Variants in NCKAP5 observed in about 807,000 individuals in gnomAD.
The protein encoded by NCKAP5 is NCK associated protein 5, also known as nck-associated protein 5.
NCKAP5 carries 92 observed loss-of-function variants against 167.0 expected under a neutral mutation model. The observed-to-expected ratio is 0.55, with a 90% CI of 0.47 to 0.66. The LOEUF (loss-of-function observed/expected upper bound fraction) is 0.66. Ranked by LOEUF, NCKAP5 falls within the 30% of genes least tolerant of loss-of-function variation. NCKAP5 has a pLI of 0.00. For missense variants in NCKAP5, 2,378 were observed against 2,315.0 expected (o/e 1.03, Z -0.56); for synonymous variants, 891 against 877.4 (o/e 1.02, Z -0.27).
At chr2:133,412,867 A>T (rs1688859154) in intron 3 of NCKAP5, among the ~76,000 whole-genome samples, 2 of 152,266 alleles carry the variant, frequency 1.3e-5, no homozygotes, top group South Asian at 4.1e-4. Flanking sequence ...GAAACATTTG[A>T]GATTTCAAAA....
intron 15 of NCKAP5, among the ~76,000 whole-genome samples, chr2:132,774,551 C>T (rs1263521331): frequency 6.6e-6 from 1 of 152,020 alleles, no homozygotes; most frequent in Non-Finnish European, 1.5e-5. Flanking sequence ...TGGGCAGCAT[C>T]AGATGGAACT....
chr2:133,647,428 A>G, the NCKAP5 span, among the ~76,000 whole-genome samples: 12 of 103,064 alleles, frequency 1.2e-4, no homozygotes, highest in Non-Finnish European at 1.7e-4. Context: ...AGAGAAAGAA[A>G]GGAAGAAAGA....
chr2:133,592,927 TC>T, the NCKAP5 span, among the ~76,000 whole-genome samples: 133 of 152,308 alleles, frequency 8.7e-4, 1 homozygote, highest in African/African-American at 3.1e-3. Context: ...CTTGTTCTCA[TC>T]CTCAGCCCAG....
upstream of NCKAP5, among the ~76,000 whole-genome samples, chr2:133,571,782 C>T (rs1022796435): frequency 1.3e-5 from 2 of 152,086 alleles, no homozygotes; most frequent in African/African-American, 4.8e-5. Context: ...CAGTTTCTAC[C>T]TCCAGCGTCT....
chr2:133,532,195 A>C (rs1439703892), intron 2 of NCKAP5, among the ~76,000 whole-genome samples: 3 of 152,240 alleles, frequency 2.0e-5, no homozygotes, highest in African/African-American at 7.2e-5. Context: ...TAAATACTTT[A>C]GGAATCCTAT....
rs1252619487 is a variant in NCKAP5, at chr2:132,845,339, GT to G, written c.807+15152del. Among the ~76,000 whole-genome samples, 8 of 152,058 alleles carry G rather than the reference GT, an allele frequency of 5.3e-5. No individual in the cohort carries two copies. The South Asian group carries it at 1.7e-3, about 32-fold the overall frequency. On this transcript the variant is annotated intron_variant, in intron 11 of 19. Transcript: ENST00000409261. ...CAGTCCTTTCCTGTATGACTTCTTGGTTTTATGCCTTGCTTGAGAAAATATC... is the reference window on the plus strand; with the variant it reads ...CAGTCCTTTCCTGTATGACTTCTTGGTTTATGCCTTGCTTGAGAAAATATC...
At chr2:133,384,954 G>A (rs530376194) in intron 3 of NCKAP5, among the ~76,000 whole-genome samples, 47 of 152,262 alleles carry the variant, frequency 3.1e-4, no homozygotes, top group Non-Finnish European at 5.1e-4. Context: ...GGGCTAAGTC[G>A]ATGGGGTTTT....
At chr2:133,582,985 C>T in the NCKAP5 span, among the ~76,000 whole-genome samples, 2 of 152,146 alleles carry the variant, frequency 1.3e-5, no homozygotes, top group Non-Finnish European at 2.9e-5. Flanking sequence ...GTCATGTTGA[C>T]CCAGGCATCT....
intron 6 of NCKAP5, among the ~76,000 whole-genome samples, chr2:133,064,999 C>T (rs892244266): frequency 6.6e-6 from 1 of 152,132 alleles, no homozygotes; most frequent in African/African-American, 2.4e-5. Context: ...AATACTTTTT[C>T]CAAGCAGCAA....
chr2:133,628,913 C>T, the NCKAP5 span, among the ~76,000 whole-genome samples: 1 of 152,186 alleles, frequency 6.6e-6, no homozygotes, highest in Non-Finnish European at 1.5e-5. Flanking sequence ...GTAAATGGTG[C>T]TGGGAGAACT....
At chr2:133,654,410 A>AAATC in the NCKAP5 span, among the ~76,000 whole-genome samples, 15 of 150,238 alleles carry the variant, frequency 1.0e-4, no homozygotes, top group South Asian at 4.2e-4. Flanking sequence ...ATAAATAAAT[A>AAATC]AATCCCTCAA....
At chr2:132,936,810 T>C (rs1253313212) in intron 8 of NCKAP5, among the ~76,000 whole-genome samples, 1 of 152,216 alleles carries the variant, frequency 6.6e-6, no homozygotes, top group Non-Finnish European at 1.5e-5. Flanking sequence ...CTAAAATGCA[T>C]ATGTATCAAC....
the NCKAP5 span, among the ~76,000 whole-genome samples, chr2:133,580,698 A>T: frequency 6.6e-6 from 1 of 152,314 alleles, no homozygotes; most frequent in East Asian, 1.9e-4. Flanking sequence ...ACCTCTGAGT[A>T]CCCTAGAAGA....
chr2:132,956,575 T>C (rs2076352064), intron 8 of NCKAP5, among the ~76,000 whole-genome samples: 1 of 152,186 alleles, frequency 6.6e-6, no homozygotes, highest in Admixed American at 6.6e-5. Flanking sequence ...ACACGGCCAT[T>C]GGCACACGAA....
chr2:132,960,765 A>T (rs1456627483), intron 8 of NCKAP5, among the ~76,000 whole-genome samples: 1 of 152,102 alleles, frequency 6.6e-6, no homozygotes, highest in East Asian at 1.9e-4. Context: ...GTAATCAAGA[A>T]CGTAATATAG....
At chr2:133,504,250 GTT>G (rs1243708905) in intron 3 of NCKAP5, among the ~76,000 whole-genome samples, 1 of 49,882 alleles carries the variant, frequency 2.0e-5, no homozygotes, top group African/African-American at 8.0e-5. Context: ...TGGTGTATCT[GTT>G]GTATAAATCT....
At chr2:133,343,993 T>G (rs925589134) in intron 3 of NCKAP5, among the ~76,000 whole-genome samples, 1 of 152,154 alleles carries the variant, frequency 6.6e-6, no homozygotes, top group Non-Finnish European at 1.5e-5. Context: ...GAATGTGATG[T>G]GAAGAAGCAA....
At chr2:133,537,994 GTTA>G (rs1429398022) in intron 2 of NCKAP5, among the ~76,000 whole-genome samples, 1 of 152,092 alleles carries the variant, frequency 6.6e-6, no homozygotes, top group East Asian at 1.9e-4. Flanking sequence ...GAAAAACACA[GTTA>G]TTAAGAGACC....
chr2:132,783,542 C>T lies in NCKAP5; in HGVS notation c.3269G>A (p.Gly1090Glu). The change falls in exon 14 of 20, where the codon GGA (glycine) becomes GAA (glutamate). Residue 1090 changes from glycine (G) to glutamate (E), a missense_variant. By Grantham distance (98) the Gly-to-Glu change is moderately conservative (BLOSUM62 -2). This residue lies in a region of NCKAP5 where 1,325 missense variants were observed against 1,274.5 expected (regional missense o/e 1.04). Transcript: ENST00000409261. ...TGTGGAGGCGCTATCATTCAATTGT[C>T]CTTTTCTCCCTGGAGATACACTTTT... ...SSKSVSPGRK[G>E]QLNDSASTPP... 6.2e-7 allele frequency: 1 copy of T among 1,613,832 alleles called. No homozygotes were observed. Among genetic ancestry groups the T allele is most frequent in the South Asian group, 1.1e-5 (1 of 91,068 alleles).
Sources: gnomAD v4.1 joint callset for allele counts (sites outside exome capture counted in the v4.1 genomes callset) on GRCh38, gnomAD v4.1.1 for gene constraint, gnomAD v4.1.1 regional missense constraint, MANE v1.5 for transcripts, NCBI Gene and HGNC (gene_info 2026-07-23, HGNC 2026-07-21) for gene names.